PRR5: variants seen among roughly 807,000 people sequenced by gnomAD.
PRR5 encodes proline-rich protein 5.
Under a neutral mutation model 30.6 loss-of-function variants are expected in PRR5, and 25 were observed. The observed-to-expected ratio is 0.82, with a 90% CI of 0.60 to 1.14. The LOEUF (loss-of-function observed/expected upper bound fraction) is 1.14, where lower values mean the gene tolerates loss of function less well. Ranked by LOEUF, PRR5 falls within the 50% of genes most tolerant of loss-of-function variation. PRR5 has a pLI of 0.00. For missense variants in PRR5, 600 were observed against 547.1 expected, an observed-to-expected ratio of 1.10 and a Z score of -0.96; for synonymous variants, 286 against 247.1, an observed-to-expected ratio of 1.16 and a Z score of -1.48.
chr22:44,731,690 C>G (rs368756594), intron 4 of PRR5, 40 bp from the exon 5 acceptor site: 27 of 1,602,830 alleles, frequency 1.7e-5, no homozygotes, highest in Non-Finnish European at 2.3e-5. Context: ...CATCTGCCCG[C>G]GCCAGTCAGG....
rs182334584 is a variant in PRR5 at position 44,726,786 on chromosome 22, A to G, written c.322+152A>G. On this transcript the variant is annotated intron_variant, in intron 4 of 7. Transcript: ENST00000336985. ...GGAACACGTATAGCCTTAGGGCAGC[A>G]GGGCCGAGATCCTTACCCAGAGGGA... 1.0e-4 allele frequency: 124 copies of G among 1,242,280 alleles called. No individual in the cohort carries two copies. In the African/African-American group the frequency reaches 1.6e-3, roughly 16 times the overall value. 77.0% of individuals were successfully genotyped at this position (1,242,280 alleles called of 1,614,324 possible).
At chr22:44,685,350 A>AC (rs1167139794) in intron 1 of PRR5, among the ~76,000 whole-genome samples, 1 of 152,106 alleles carries the variant, frequency 6.6e-6, no homozygotes, top group African/African-American at 2.4e-5. Flanking sequence ...ACAGAGCAAG[A>AC]CCCCATCTCA....
chr22:44,731,531 T>TG, intron 4 of PRR5, 199 bp from the exon 5 acceptor site: 1 of 599,796 alleles, frequency 1.7e-6, no homozygotes, highest in East Asian at 2.8e-5. Context: ...ATTTTATAAA[T>TG]GGAAGACTGA....
chr22:44,690,066 T>TA (rs1442083430), intron 1 of PRR5, among the ~76,000 whole-genome samples: 1 of 151,630 alleles, frequency 6.6e-6, no homozygotes, highest in Non-Finnish European at 1.5e-5. Flanking sequence ...AGACTGAGCT[T>TA]ACAGAGGAGG....
At chr22:44,734,697 C>T (rs1922869055) in intron 6 of PRR5, 1 of 304,380 alleles carries the variant, frequency 3.3e-6, no homozygotes. Flanking sequence ...AGAGACTGTC[C>T]AAAGCCTCTA....
intron 6 of PRR5, among the ~76,000 whole-genome samples, chr22:44,733,576 G>T (rs1357453614): frequency 1.3e-5 from 2 of 152,184 alleles, no homozygotes; most frequent in South Asian, 2.1e-4. Context: ...GCCTGGCTGG[G>T]TTGAAGCGGG....
At chr22:44,674,718 A>G (rs1923622636), upstream of PRR5, among the ~76,000 whole-genome samples, 1 of 148,494 alleles carries the variant, frequency 6.7e-6, no homozygotes, top group South Asian at 2.2e-4. Context: ...GACTCCGTCT[A>G]AAAAAAAAGA....
At chr22:44,730,094 C>G (rs1041569277) in intron 4 of PRR5, 14 of 985,428 alleles carry the variant, frequency 1.4e-5, no homozygotes, top group Non-Finnish European at 1.6e-5. Context: ...GGCCCCAGCC[C>G]CCAGGGCTGC....
At chr22:44,669,646 G>A (rs1292486139) in intron 1 of PRR5, among the ~76,000 whole-genome samples, 2 of 152,250 alleles carry the variant, frequency 1.3e-5, no homozygotes, top group African/African-American at 4.8e-5. Flanking sequence ...CAAGGTAGAA[G>A]GCTGGGGGAG....
At chr22:44,675,423 G>A (rs372649503), upstream of PRR5, among the ~76,000 whole-genome samples, 8 of 152,092 alleles carry the variant, frequency 5.3e-5, no homozygotes, top group African/African-American at 1.9e-4. Flanking sequence ...GTGTAATATC[G>A]TGAGCATCTT....
At chr22:44,712,300 G>C (rs1242888760) in intron 1 of PRR5, among the ~76,000 whole-genome samples, 1 of 152,354 alleles carries the variant, frequency 6.6e-6, no homozygotes, top group East Asian at 1.9e-4. Flanking sequence ...AGAAGCTGAT[G>C]AAGCCCTGGG....
At chr22:44,733,200 G>T (rs1460328864) in intron 6 of PRR5, among the ~76,000 whole-genome samples, 1 of 152,232 alleles carries the variant, frequency 6.6e-6, no homozygotes, top group Non-Finnish European at 1.5e-5. Flanking sequence ...GGGGCCCCCA[G>T]TGGCATCCAC....
intron 4 of PRR5, among the ~76,000 whole-genome samples, chr22:44,727,139 A>G (rs1436796764): frequency 2.7e-5 from 4 of 147,804 alleles, no homozygotes; most frequent in Admixed American, 1.3e-4. Context: ...GATTTGCCCA[A>G]GGCTACAGTG....
chr22:44,693,301 C>G (rs1014161328), intron 1 of PRR5, among the ~76,000 whole-genome samples: 1 of 152,036 alleles, frequency 6.6e-6, no homozygotes, highest in Admixed American at 6.6e-5. Context: ...CTGTCTCTAC[C>G]AAAAATACAA....
chr22:44,721,613 C>T (rs888549584), intron 2 of PRR5, among the ~76,000 whole-genome samples: 1 of 152,186 alleles, frequency 6.6e-6, no homozygotes, highest in Non-Finnish European at 1.5e-5. Context: ...GGGCATGGAA[C>T]ATTGGGGTCT....
chr22:44,731,630 A>G, intron 4 of PRR5, 100 bp from the exon 5 acceptor site: 1 of 1,224,306 alleles, frequency 8.2e-7, no homozygotes, highest in Non-Finnish European at 1.2e-6. Context: ...GCCTGAGCCC[A>G]GGCCCTCCAC....
chr22:44,679,991 C>A, intron 1 of PRR5: 1 of 1,048,436 alleles, frequency 9.5e-7, no homozygotes, highest in Non-Finnish European at 1.4e-6. Context: ...GGCGAGAGAC[C>A]CACGGGGAAT....
intron 1 of PRR5, among the ~76,000 whole-genome samples, chr22:44,671,199 A>AG (rs1276514377): frequency 6.6e-6 from 1 of 152,264 alleles, no homozygotes; most frequent in South Asian, 2.1e-4. Flanking sequence ...TGAAGCCCAG[A>AG]GGGGGGCCGC....
intron 1 of PRR5, among the ~76,000 whole-genome samples, chr22:44,693,789 T>C (rs189615855): frequency 0.054 from 7,125 of 132,768 alleles, 431 homozygotes; most frequent in African/African-American, 0.14. Context: ...GCCACCACAC[T>C]CGGCTATTTT....
Sources: allele counts gnomAD v4.1 joint callset (sites outside exome capture counted in the v4.1 genomes callset), GRCh38; gene constraint gnomAD v4.1.1; transcripts MANE v1.5; gene names NCBI Gene and HGNC (gene_info 2026-07-23, HGNC 2026-07-21).